Variants in MEF2A observed in about 807,000 individuals in gnomAD.
The protein encoded by MEF2A is myocyte enhancer factor 2A.
In MEF2A, 28 loss-of-function variants were observed where a neutral mutation model predicts 55.8. That is an observed-to-expected ratio of 0.50 (90% CI 0.37 to 0.69). The LOEUF is 0.69. Ranked by LOEUF, MEF2A falls within the 30% of genes least tolerant of loss-of-function variation. The pLI, the probability that MEF2A is intolerant of heterozygous loss-of-function variation, is 0.00. For missense variants in MEF2A, 528 were observed against 626.2 expected, an observed-to-expected ratio of 0.84 and a Z score of 1.67; for synonymous variants, 239 against 227.1, an observed-to-expected ratio of 1.05 and a Z score of -0.47.
intron 1 of MEF2A, among the ~76,000 whole-genome samples, chr15:99,577,510 G>T (rs980014486): frequency 6.6e-6 from 1 of 152,108 alleles, no homozygotes; most frequent in Non-Finnish European, 1.5e-5. Flanking sequence ...ATCTGCAAGG[G>T]TAATTAACCT....
rs1265818564 is a variant in MEF2A, at chr15:99,713,227, C to G, written c.*456C>G. The G allele has an allele frequency of 5.1e-6, 2 of 395,872 alleles. No homozygotes were observed. The highest frequency in any genetic ancestry group is 8.9e-6 in the Non-Finnish European group (2 of 224,984). 24.5% of individuals were successfully genotyped at this position (395,872 alleles called of 1,614,324 possible). On this transcript the variant is annotated 3_prime_UTR_variant, in exon 12 of 12. Coordinates refer to ENST00000557942, the MANE Select transcript of MEF2A (RefSeq NM_001319206.4). ...GAACAGAGCAGTAGAAAAGCAGGAA[C>G]CAAGAAAGCAATACTGTACATAAAA...
chr15:99,699,982 GTGTA>G (rs200749573), intron 8 of MEF2A, among the ~76,000 whole-genome samples: 20,966 of 113,670 alleles, frequency 0.18, 1,744 homozygotes, highest in East Asian at 0.27. Flanking sequence ...GTGTGTGTGT[GTGTA>G]TATATATATA....
At chr15:99,629,955 C>G (rs1050826391) in intron 2 of MEF2A, among the ~76,000 whole-genome samples, 7 of 151,652 alleles carry the variant, frequency 4.6e-5, no homozygotes, top group Non-Finnish European at 1.0e-4. Context: ...AAAAAAATCT[C>G]TCTTTGGGGG....
At chr15:99,685,204 A>AT (rs371993146) in intron 7 of MEF2A, among the ~76,000 whole-genome samples, 2 of 151,490 alleles carry the variant, frequency 1.3e-5, no homozygotes, top group Admixed American at 6.6e-5. Flanking sequence ...GAATTTTAGG[A>AT]TTTTTTTCCC....
rs377118627 is a variant in MEF2A at position 99,664,123 on chromosome 15, A to G, written c.259-7200A>G. Among the ~76,000 whole-genome samples the G allele has an allele frequency of 2.2e-3, 337 of 152,340 alleles. 2 individuals are homozygous for G. The highest frequency in any genetic ancestry group is 7.2e-3 in the African/African-American group (301 of 41,580). The stretch of plus-strand genomic sequence containing the variant: ...AGGTTTGAGACTCTTTCTGGATTCT[A>G]TGTTGTAGAGGTACTAGCCAGACTT... On this transcript the variant is annotated intron_variant, in intron 4 of 11. Coordinates refer to ENST00000557942, the MANE Select transcript of MEF2A (RefSeq NM_001319206.4).
intron 3 of MEF2A, among the ~76,000 whole-genome samples, chr15:99,635,899 C>A (rs376694484): frequency 6.6e-5 from 10 of 152,006 alleles, no homozygotes; most frequent in Non-Finnish European, 1.3e-4. Context: ...TGAATATTCT[C>A]GATAGTATAC....
intron 3 of MEF2A, among the ~76,000 whole-genome samples, chr15:99,640,797 C>T (rs886435055): frequency 6.6e-6 from 1 of 152,120 alleles, no homozygotes; most frequent in Non-Finnish European, 1.5e-5. Flanking sequence ...GATCCTCCCA[C>T]CTGGCCCTCC....
rs147738486 is a variant in MEF2A at position 99,594,924 on chromosome 15, C to T, written c.-224-3506C>T. The stretch of plus-strand genomic sequence containing the variant: ...ATCATATATAGGTATTGATGTACAA[C>T]GTATATCTGAACCTGCTCAAATGTA... On this transcript the variant is annotated intron_variant, in intron 1 of 11. Transcript: ENST00000557942. 6.8e-3 allele frequency among the ~76,000 whole-genome samples: 1,039 copies of T among 152,294 alleles called. 12 individuals are homozygous for T. Among genetic ancestry groups the T allele is most frequent in the African/African-American group, 0.023 (969 of 41,560 alleles).
At chr15:99,626,677 A>G (rs1197826962) in intron 2 of MEF2A, among the ~76,000 whole-genome samples, 1 of 152,206 alleles carries the variant, frequency 6.6e-6, no homozygotes, top group Non-Finnish European at 1.5e-5. Context: ...ATACAATAAG[A>G]GAGAACCCGC....
chr15:99,584,063 G>A (rs374689753), intron 1 of MEF2A, among the ~76,000 whole-genome samples: 9 of 152,100 alleles, frequency 5.9e-5, no homozygotes, highest in South Asian at 2.1e-4. Flanking sequence ...ATAGTAGTGC[G>A]TATTCGTGTA....
chr15:99,646,272 T>C (rs1271730293), intron 4 of MEF2A, among the ~76,000 whole-genome samples: 1 of 152,128 alleles, frequency 6.6e-6, no homozygotes, highest in African/African-American at 2.4e-5. Flanking sequence ...CTCATAGTTC[T>C]CCCAACCTAA....
At chr15:99,635,609 G>T (rs577018551) in intron 3 of MEF2A, among the ~76,000 whole-genome samples, 1 of 151,966 alleles carries the variant, frequency 6.6e-6, no homozygotes, top group South Asian at 2.1e-4. Flanking sequence ...GTTTCCCCCT[G>T]CCCCAAGGAA....
intron 2 of MEF2A, among the ~76,000 whole-genome samples, chr15:99,631,726 A>G (rs965136469): frequency 2.0e-5 from 3 of 152,090 alleles, no homozygotes; most frequent in African/African-American, 7.2e-5. Flanking sequence ...GTAGGTGAAC[A>G]ATTAATAGGT....
intron 8 of MEF2A, among the ~76,000 whole-genome samples, chr15:99,692,270 T>G (rs550554541): frequency 6.6e-6 from 1 of 152,166 alleles, no homozygotes; most frequent in Non-Finnish European, 1.5e-5. Context: ...CCAAGATAGT[T>G]CAAAATAGAG....
chr15:99,700,604 T>C (rs561353673), intron 8 of MEF2A, among the ~76,000 whole-genome samples: 2 of 152,254 alleles, frequency 1.3e-5, no homozygotes, highest in East Asian at 3.9e-4. Flanking sequence ...TGTGAGGCAA[T>C]AGCATCCAGT....
chr15:99,675,880 T>C (rs561068590), intron 7 of MEF2A, among the ~76,000 whole-genome samples: 35 of 151,958 alleles, frequency 2.3e-4, no homozygotes, highest in African/African-American at 7.7e-4. Flanking sequence ...TCTACTAAAA[T>C]ACAAAAAAAT....
intron 4 of MEF2A, among the ~76,000 whole-genome samples, chr15:99,655,891 T>G (rs575714562): frequency 6.6e-6 from 1 of 152,240 alleles, no homozygotes; most frequent in African/African-American, 2.4e-5. Flanking sequence ...CTGATCTGGC[T>G]CTCTCTTTCA....
chr15:99,661,734 A>T (rs540359169), intron 4 of MEF2A, among the ~76,000 whole-genome samples: 5 of 152,158 alleles, frequency 3.3e-5, no homozygotes, highest in South Asian at 2.1e-4. Context: ...ATTATCTAGT[A>T]TAACTGAAGA....
chr15:99,589,799 T>C (rs1056490566), intron 1 of MEF2A, among the ~76,000 whole-genome samples: 1 of 151,666 alleles, frequency 6.6e-6, no homozygotes, highest in Non-Finnish European at 1.5e-5. Context: ...AATAGAAATG[T>C]CCCCCCCCAA....
Sources: gnomAD v4.1 joint callset for allele counts (sites outside exome capture counted in the v4.1 genomes callset) on GRCh38, gnomAD v4.1.1 for gene constraint, MANE v1.5 for transcripts, NCBI Gene and HGNC (gene_info 2026-07-23, HGNC 2026-07-21) for gene names.